The following NCALD variants were observed in gnomAD, a reference collection of about 807,000 sequenced individuals.
NCALD encodes neurocalcin-delta.
A neutral mutation model predicts 18.6 loss-of-function variants in NCALD; 10 were observed. The observed-to-expected ratio is 0.54, with a 90% CI of 0.33 to 0.91. The LOEUF (loss-of-function observed/expected upper bound fraction) is 0.91. Ranked by LOEUF, NCALD falls within the 40% of genes least tolerant of loss-of-function variation. The pLI, the probability that NCALD is intolerant of heterozygous loss-of-function variation, is 0.03. For synonymous variants in NCALD, 88 were observed against 87.4 expected, an observed-to-expected ratio of 1.01 and a Z score of -0.04; for missense variants, 184 against 247.6, an observed-to-expected ratio of 0.74 and a Z score of 1.72.
chr8:101,910,003 GC>G (rs1421984263), intron 3 of NCALD, among the ~76,000 whole-genome samples: 2 of 152,092 alleles, frequency 1.3e-5, no homozygotes, highest in Non-Finnish European at 2.9e-5. Context: ...CATTGGGAGT[GC>G]ATTATTTTGG....
At chr8:102,027,761 A>C (rs1338282942) in intron 1 of NCALD, among the ~76,000 whole-genome samples, 2 of 152,222 alleles carry the variant, frequency 1.3e-5, no homozygotes, top group East Asian at 3.8e-4. Flanking sequence ...ATTGACTCAC[A>C]GTTATGCAGG....
intron 1 of NCALD, among the ~76,000 whole-genome samples, chr8:102,084,687 T>C (rs181088691): frequency 6.6e-6 from 1 of 152,246 alleles, no homozygotes; most frequent in Admixed American, 6.5e-5. Flanking sequence ...CAGAAGAAGG[T>C]CATATACCAG....
intron 2 of NCALD, among the ~76,000 whole-genome samples, chr8:101,710,188 C>T (rs1252675285): frequency 1.3e-5 from 2 of 152,142 alleles, no homozygotes; most frequent in East Asian, 3.9e-4. Context: ...GAACTCCCTC[C>T]CCTAGCCAAG....
At chr8:101,928,674 T>G (rs936967451) in intron 2 of NCALD, among the ~76,000 whole-genome samples, 2 of 152,134 alleles carry the variant, frequency 1.3e-5, no homozygotes, top group East Asian at 3.8e-4. Context: ...GTTTTTTCCT[T>G]TATTGATCTC....
At chr8:101,871,803 GTT>G (rs1816031404) in intron 4 of NCALD, 1 of 360,074 alleles carries the variant, frequency 2.8e-6, no homozygotes. Context: ...TCACAAGAAA[GTT>G]CAGCATGTGA....
chr8:101,814,916 T>C (rs977611319), intron 4 of NCALD, among the ~76,000 whole-genome samples: 1 of 152,002 alleles, frequency 6.6e-6, no homozygotes. Flanking sequence ...ATCTAACAAA[T>C]ATATATGAGA....
At chr8:101,735,882 C>T (rs767883450) in intron 1 of NCALD, among the ~76,000 whole-genome samples, 34 of 152,164 alleles carry the variant, frequency 2.2e-4, no homozygotes, top group Admixed American at 3.9e-4. Context: ...TCTGAGTCAC[C>T]GTTGATTCTC....
intron 1 of NCALD, among the ~76,000 whole-genome samples, chr8:101,788,194 GTTT>G (rs1228441549): frequency 6.6e-6 from 1 of 152,204 alleles, no homozygotes; most frequent in Non-Finnish European, 1.5e-5. Context: ...GGGGTGATGG[GTTT>G]TGTCCAGTGC....
chr8:101,758,940 T>TTC (rs1161422301), intron 1 of NCALD, among the ~76,000 whole-genome samples: 1 of 152,176 alleles, frequency 6.6e-6, no homozygotes, highest in East Asian at 1.9e-4. Context: ...GCTCTTTTAC[T>TTC]ACAAAGTACA....
intron 1 of NCALD, among the ~76,000 whole-genome samples, chr8:102,052,407 T>G (rs554687811): frequency 6.6e-6 from 1 of 152,338 alleles, no homozygotes; most frequent in African/African-American, 2.4e-5. Flanking sequence ...CTTGACTGCC[T>G]GGACAGCAGA....
At chr8:101,825,205 G>A (rs1015666510) in intron 4 of NCALD, among the ~76,000 whole-genome samples, 2 of 152,244 alleles carry the variant, frequency 1.3e-5, no homozygotes, top group Non-Finnish European at 2.9e-5. Flanking sequence ...CTGAGCAGAA[G>A]GTTGGGTCTC....
chr8:101,693,321 T>A (rs1277133002), intron 2 of NCALD: 2 of 27,164 alleles, frequency 7.4e-5, no homozygotes, highest in Non-Finnish European at 2.3e-4. Context: ...ACAGGGCGTT[T>A]TTTTTTTTTT....
At chr8:101,735,580 A>C (rs1294364358) in intron 1 of NCALD, among the ~76,000 whole-genome samples, 1 of 152,244 alleles carries the variant, frequency 6.6e-6, no homozygotes, top group African/African-American at 2.4e-5. Context: ...TACTTTTTTA[A>C]GTATGTCCCA....
chr8:102,099,271 C>G (rs1825198481), intron 1 of NCALD, among the ~76,000 whole-genome samples: 1 of 152,126 alleles, frequency 6.6e-6, no homozygotes, highest in African/African-American at 2.4e-5. Context: ...CACCAATAGT[C>G]CAAGGCACCA....
At chr8:101,995,926 C>G (rs1166089250) in intron 2 of NCALD, among the ~76,000 whole-genome samples, 3 of 152,204 alleles carry the variant, frequency 2.0e-5, no homozygotes, top group African/African-American at 7.2e-5. Flanking sequence ...GCCCTGCAAA[C>G]TCTATAGATA....
intron 4 of NCALD, among the ~76,000 whole-genome samples, chr8:101,831,286 G>T (rs1332654234): frequency 6.6e-6 from 1 of 152,096 alleles, no homozygotes; most frequent in Non-Finnish European, 1.5e-5. Flanking sequence ...GTTGCCATGA[G>T]GATCAAATAA....
upstream of NCALD, chr8:102,124,690 G>T: frequency 6.6e-6 from 1 of 152,558 alleles, no homozygotes; most frequent in East Asian, 1.9e-4. Flanking sequence ...CGATTTGAGG[G>T]GGGGTCTGGG....
chr8:101,814,740 A>G (rs1030319001), intron 4 of NCALD, among the ~76,000 whole-genome samples: 4 of 152,208 alleles, frequency 2.6e-5, no homozygotes, highest in South Asian at 2.1e-4. Flanking sequence ...TCCTGTACTA[A>G]TAAGGGATTA....
intron 1 of NCALD, among the ~76,000 whole-genome samples, chr8:101,780,196 T>C (rs974701752): frequency 6.6e-6 from 1 of 152,132 alleles, no homozygotes; most frequent in African/African-American, 2.4e-5. Context: ...TCTGGGTATA[T>C]TACTAGGACT....
Sources: gnomAD v4.1 joint callset for allele counts (sites outside exome capture counted in the v4.1 genomes callset) on GRCh38, gnomAD v4.1.1 for gene constraint, MANE v1.5 for transcripts, NCBI Gene and HGNC (gene_info 2026-07-23, HGNC 2026-07-21) for gene names.